CLDN14: variants seen among roughly 807,000 people sequenced by gnomAD.
The protein encoded by CLDN14 is claudin-14.
CLDN14 carries 2 observed loss-of-function variants against 2.1 expected under a neutral mutation model. That is an observed-to-expected ratio of 0.96 (90% CI 0.39 to 3.01). CLDN14 has a LOEUF of 3.01. Among genes scored for constraint, CLDN14 ranks in the 30% most tolerant of loss-of-function variants. The probability of loss-of-function intolerance (pLI) is 0.09; values close to 1 mark genes in which losing one functional copy is unlikely to be tolerated. For missense variants in CLDN14, 298 were observed against 328.0 expected, an observed-to-expected ratio of 0.91 and a Z score of 0.71; for synonymous variants, 136 against 154.4, an observed-to-expected ratio of 0.88 and a Z score of 0.88.
intron 1 of CLDN14, among the ~76,000 whole-genome samples, chr21:36,469,315 T>C (rs539070803): frequency 1.4e-3 from 93 of 64,906 alleles, no homozygotes; most frequent in African/African-American, 8.6e-3. Flanking sequence ...TATTCCAAAC[T>C]TTCTGTAACT....
intron 1 of CLDN14, among the ~76,000 whole-genome samples, chr21:36,575,802 C>G (rs530277457): frequency 2.6e-5 from 4 of 152,170 alleles, no homozygotes; most frequent in African/African-American, 9.7e-5. Flanking sequence ...GAGGAAGAAG[C>G]CTTCTTGCTT....
At chr21:36,465,643 T>C (rs1421558654) in intron 1 of CLDN14, among the ~76,000 whole-genome samples, 2 of 152,240 alleles carry the variant, frequency 1.3e-5, no homozygotes, top group African/African-American at 2.4e-5. Flanking sequence ...GGAAGCGCCC[T>C]GCCCTGCAGG....
intron 1 of CLDN14, among the ~76,000 whole-genome samples, chr21:36,553,747 C>T (rs965590884): frequency 4.6e-5 from 7 of 152,052 alleles, no homozygotes; most frequent in African/African-American, 1.7e-4. Context: ...GTCAGCAGCA[C>T]CTGCCAAGAA....
Position 36,486,522 on chromosome 21 carries a change from C to G in CLDN14, c.-82+23841G>C, listed in dbSNP as rs748030203. 1.2e-5 allele frequency: 19 copies of G among 1,565,302 alleles called. No homozygotes were observed. The African/African-American group carries it at 2.3e-4, about 19-fold the overall frequency. ...CTGGCACCGAGACCCAGCATGGCAC[C>G]CCCTTCCCCAGCCAAAATCGGAGAA... On this transcript the variant is annotated intron_variant, in intron 2 of 2. Transcript: ENST00000342108.
rs77984870 is a variant in CLDN14, at chr21:36,538,850, T to G, written c.-219-28350A>C. On this transcript the variant is annotated intron_variant, in intron 1 of 2. Transcript: ENST00000342108. ...CTAACTCTTCAGAGATCACCCCAAC[T>G]CAGGAATGGGCAGACATAACGGCAT... is the stretch of plus-strand genomic sequence containing the variant. 5.2e-3 allele frequency among the ~76,000 whole-genome samples: 786 copies of G among 152,130 alleles called. 5 individuals are homozygous for G. The highest frequency in any genetic ancestry group is 0.018 in the African/African-American group (741 of 41,500).
intron 1 of CLDN14, among the ~76,000 whole-genome samples, chr21:36,552,369 A>C (rs2087568884): frequency 6.6e-6 from 1 of 152,234 alleles, no homozygotes; most frequent in Non-Finnish European, 1.5e-5. Flanking sequence ...TGTGCTCAGT[A>C]TAAGATGCCC....
chr21:36,522,470 G>T (rs907310280), intron 1 of CLDN14, among the ~76,000 whole-genome samples: 1 of 148,496 alleles, frequency 6.7e-6, no homozygotes, highest in Admixed American at 6.6e-5. Flanking sequence ...CAAAGCCTGC[G>T]TGCCCAGCAG....
chr21:36,476,083 GCT>G (rs1456629966), intron 1 of CLDN14, among the ~76,000 whole-genome samples: 47 of 152,266 alleles, frequency 3.1e-4, no homozygotes, highest in African/African-American at 1.0e-3. Flanking sequence ...CTGAGTGCAG[GCT>G]CTCTTTGGGA....
intron 1 of CLDN14, among the ~76,000 whole-genome samples, chr21:36,475,738 T>A (rs1416499277): frequency 6.6e-6 from 1 of 150,690 alleles, no homozygotes; most frequent in East Asian, 1.9e-4. Flanking sequence ...TTGATTTAAC[T>A]TTTTTTATTT....
At chr21:36,502,942 A>G (rs990316746) in intron 2 of CLDN14, among the ~76,000 whole-genome samples, 6 of 152,222 alleles carry the variant, frequency 3.9e-5, no homozygotes, top group African/African-American at 9.6e-5. Context: ...CCACTCCTAG[A>G]CCAATTAATT....
chr21:36,569,564 A>G (rs562496376), intron 1 of CLDN14, among the ~76,000 whole-genome samples: 1 of 152,336 alleles, frequency 6.6e-6, no homozygotes, highest in East Asian at 1.9e-4. Flanking sequence ...AAATTAGAAA[A>G]CCACCATTTT....
At chr21:36,564,186 T>C (rs777227140) in intron 1 of CLDN14, among the ~76,000 whole-genome samples, 48 of 152,170 alleles carry the variant, frequency 3.2e-4, no homozygotes, top group Admixed American at 7.9e-4. Flanking sequence ...TTTCTTGCAG[T>C]GTTATATAAA....
chr21:36,477,026 C>T (rs1400087416), intron 1 of CLDN14, among the ~76,000 whole-genome samples: 1 of 152,202 alleles, frequency 6.6e-6, no homozygotes, highest in Non-Finnish European at 1.5e-5. Flanking sequence ...GAGTACCAGG[C>T]CCTGTAGGTT....
chr21:36,552,688 A>C (rs1363709792), intron 1 of CLDN14, among the ~76,000 whole-genome samples: 1 of 12,618 alleles, frequency 7.9e-5, no homozygotes, highest in African/African-American at 1.2e-4. Flanking sequence ...CAAGACAAAA[A>C]CAAAACAAAA....
chr21:36,518,075 TACAC>T (rs3030072), intron 1 of CLDN14, among the ~76,000 whole-genome samples: 8,520 of 148,486 alleles, frequency 0.057, 534 homozygotes, highest in African/African-American at 0.16. Context: ...CTTACATACG[TACAC>T]ACACACACAC....
chr21:36,508,656 C>A (rs138478891), intron 2 of CLDN14, among the ~76,000 whole-genome samples: 1 of 152,214 alleles, frequency 6.6e-6, no homozygotes, highest in Admixed American at 6.5e-5. Context: ...CCACCCTCTA[C>A]AAGGACACCG....
intron 1 of CLDN14, among the ~76,000 whole-genome samples, chr21:36,530,318 G>A (rs1035230792): frequency 4.9e-4 from 75 of 151,728 alleles, no homozygotes; most frequent in African/African-American, 1.8e-3. Context: ...GGGTGGGTGG[G>A]CTCTGAGGGA....
intron 1 of CLDN14, among the ~76,000 whole-genome samples, chr21:36,535,994 C>T (rs2087421540): frequency 6.6e-6 from 1 of 152,214 alleles, no homozygotes; most frequent in Non-Finnish European, 1.5e-5. Context: ...CACTGCAACA[C>T]CATCTGTAAA....
chr21:36,551,785 C>A lies in CLDN14; in HGVS notation c.-220+24626G>T, dbSNP rs545035284. Among the ~76,000 whole-genome samples the A allele has an allele frequency of 6.6e-6, 1 of 152,310 alleles. No homozygotes were observed. The highest frequency in any genetic ancestry group is 2.4e-5 in the African/African-American group (1 of 41,580). On this transcript the variant is annotated intron_variant, in intron 1 of 2. Coordinates refer to the CLDN14 transcript ENST00000342108. This position sits in a 1 kb window ranked among gnomAD's most constrained non-coding sequence, Gnocchi z 4.8. ...AATCACATCAAGCAAAATGCTCACT[C>A]ACTGACAGAGATCAATGAAGCAGAC...
Sources: allele counts gnomAD v4.1 joint callset (sites outside exome capture counted in the v4.1 genomes callset), GRCh38; gene constraint gnomAD v4.1.1; non-coding constraint Gnocchi (gnomAD v3.1); transcripts MANE v1.5; gene names NCBI Gene and HGNC (gene_info 2026-07-23, HGNC 2026-07-21).